Variants in ENOSF1 observed in about 807,000 individuals in gnomAD.
The protein encoded by ENOSF1 is mitochondrial enolase superfamily member 1.
Under a neutral mutation model 68.2 loss-of-function variants are expected in ENOSF1, and 73 were observed. That is an observed-to-expected ratio of 1.07 (90% confidence interval 0.89 to 1.30). The LOEUF is 1.30. Ranked by LOEUF, ENOSF1 falls within the 50% of genes most tolerant of loss-of-function variation. The probability of loss-of-function intolerance (pLI) is 0.00; values close to 1 mark genes in which losing one functional copy is unlikely to be tolerated. For synonymous variants in ENOSF1, 223 were observed against 210.4 expected, an observed-to-expected ratio of 1.06 and a Z score of -0.52; for missense variants, 589 against 554.5, an observed-to-expected ratio of 1.06 and a Z score of -0.62.
intron 2 of ENOSF1, among the ~76,000 whole-genome samples, chr18:698,021 T>A (rs945959531): frequency 8.5e-5 from 13 of 152,210 alleles, no homozygotes; most frequent in Admixed American, 7.8e-4. Flanking sequence ...GTCAAATTAC[T>A]GCGCTCAAGT....
rs2075061282 is a variant in ENOSF1 at position 671,748 on chromosome 18, CTTGAAGGAGAA to C, written c.*2546_*2556del. Reference sequence around the variant, plus strand: ...AAGGGGGCATTTTAACTCATTTTAACTTGAAGGAGAATTGAAGTGCAAATGTTTTTCCTTTT... The same window carrying C: ...AAGGGGGCATTTTAACTCATTTTAACTTGAAGTGCAAATGTTTTTCCTTTT... On this transcript the variant is annotated 3_prime_UTR_variant, in exon 16 of 16. Coordinates refer to ENST00000647584, the MANE Select transcript of ENOSF1 (RefSeq NM_017512.7). 2.6e-6 allele frequency: 1 copy of C among 386,496 alleles called. No homozygotes were observed. The highest frequency in any genetic ancestry group is 2.2e-5 in the African/African-American group (1 of 46,396). 23.9% of individuals were successfully genotyped at this position (386,496 alleles called of 1,614,324 possible). A position where few individuals can be genotyped will look rare whatever the true frequency, so the allele number is the denominator to read the frequency against.
intron 11 of ENOSF1, among the ~76,000 whole-genome samples, chr18:679,378 T>C (rs2075856185): frequency 6.6e-6 from 1 of 151,452 alleles, no homozygotes; most frequent in Non-Finnish European, 1.5e-5. Context: ...CTGGCTAATT[T>C]TTGTATTTTT....
chr18:707,232 C>G (rs945303363), intron 1 of ENOSF1, among the ~76,000 whole-genome samples: 2 of 151,876 alleles, frequency 1.3e-5, no homozygotes, highest in Non-Finnish European at 2.9e-5. Context: ...TGCATGTTAC[C>G]CAGGCTGGTC....
At chr18:695,247 T>A (rs1336016802) in intron 3 of ENOSF1, among the ~76,000 whole-genome samples, 1 of 152,250 alleles carries the variant, frequency 6.6e-6, no homozygotes, top group Non-Finnish European at 1.5e-5. Context: ...TTCCTCAATC[T>A]GGGCTGATCT....
At chr18:698,681 C>T (rs903233098) in intron 2 of ENOSF1, among the ~76,000 whole-genome samples, 3 of 152,094 alleles carry the variant, frequency 2.0e-5, no homozygotes, top group African/African-American at 4.8e-5. Flanking sequence ...AGTGCAGTGG[C>T]GGGATCTAGG....
At chr18:675,435 G>A in intron 14 of ENOSF1, 33 bp from the exon 15 acceptor site, 2 of 1,566,934 alleles carry the variant, frequency 1.3e-6, no homozygotes, top group Non-Finnish European at 1.8e-6. Flanking sequence ...GGGCAATGAT[G>A]CCTGAAGTCA....
intron 2 of ENOSF1, among the ~76,000 whole-genome samples, chr18:705,215 C>T (rs763998980): frequency 2.0e-5 from 3 of 152,232 alleles, no homozygotes; most frequent in Non-Finnish European, 4.4e-5. Flanking sequence ...CACACTACCA[C>T]CGAAGTTAGA....
chr18:666,969 T>A (rs369405911), downstream of ENOSF1, among the ~76,000 whole-genome samples: 233 of 13,922 alleles, frequency 0.017, 26 homozygotes, highest in African/African-American at 0.04. Flanking sequence ...ATGGAGATGG[T>A]GATGGAGATG....
At chr18:690,429 A>C in intron 8 of ENOSF1, 120 bp downstream of exon 8, 1 of 1,147,842 alleles carries the variant, frequency 8.7e-7, no homozygotes, top group Non-Finnish European at 1.3e-6. Context: ...CGTGAGAAGG[A>C]AAACCACACA....
intron 11 of ENOSF1, among the ~76,000 whole-genome samples, chr18:680,676 GTT>G (rs33931715): frequency 0.34 from 34,269 of 100,922 alleles, 4,741 homozygotes; most frequent in East Asian, 0.55. Flanking sequence ...ATGCTGTTGT[GTT>G]TTTTTTTTTT....
At chr18:681,443 A>T (rs2076066284) in intron 11 of ENOSF1, among the ~76,000 whole-genome samples, 1 of 152,222 alleles carries the variant, frequency 6.6e-6, no homozygotes, top group Non-Finnish European at 1.5e-5. Context: ...GGCAGAGATC[A>T]GGTTGGTGCT....
At chr18:683,435 G>A in intron 10 of ENOSF1, 55 bp from the exon 11 acceptor site, 1 of 1,600,286 alleles carries the variant, frequency 6.2e-7, no homozygotes, top group Non-Finnish European at 8.5e-7. Context: ...CTCACAGCAG[G>A]GCTGCGGCTC....
chr18:711,880 A>G (rs1205848114), intron 1 of ENOSF1, among the ~76,000 whole-genome samples: 1 of 152,148 alleles, frequency 6.6e-6, no homozygotes, highest in African/African-American at 2.4e-5. Flanking sequence ...TTCATTACAC[A>G]GACGGGTCCA....
intron 4 of ENOSF1, 87 bp downstream of exon 4, chr18:694,161 C>T: frequency 7.5e-7 from 1 of 1,340,414 alleles, no homozygotes; most frequent in Non-Finnish European, 1.0e-6. Flanking sequence ...TTGGGGGCTG[C>T]AGTGTGTCTG....
At chr18:700,585 T>C (rs896359583) in intron 2 of ENOSF1, among the ~76,000 whole-genome samples, 1 of 152,070 alleles carries the variant, frequency 6.6e-6, no homozygotes, top group Non-Finnish European at 1.5e-5. Flanking sequence ...TCGCATTCAA[T>C]AGAAATTTGG....
chr18:677,504 A>G, intron 13 of ENOSF1, 60 bp from the exon 14 acceptor site: 1 of 1,483,804 alleles, frequency 6.7e-7, no homozygotes, highest in Non-Finnish European at 9.2e-7. Flanking sequence ...AAGGGGTGAA[A>G]GGGAACTTTC....
chr18:697,396 T>A, intron 2 of ENOSF1, 41 bp from the exon 3 acceptor site: 1 of 1,406,192 alleles, frequency 7.1e-7, no homozygotes, highest in Non-Finnish European at 1.0e-6. Context: ...GCTTCTATAC[T>A]AGGTCAAGAA....
At chr18:674,930 A>G (rs1220920215) in intron 15 of ENOSF1, among the ~76,000 whole-genome samples, 1 of 152,246 alleles carries the variant, frequency 6.6e-6, no homozygotes, top group Non-Finnish European at 1.5e-5. Context: ...ACTCTTTGAT[A>G]ATAGTTTGAC....
intron 9 of ENOSF1, chr18:688,353 C>G (rs983785527): frequency 7.4e-6 from 4 of 543,814 alleles, no homozygotes; most frequent in Admixed American, 3.1e-5. Context: ...ATCTCCCAAG[C>G]CTCTTTCAAC....
Sources: allele counts gnomAD v4.1 joint callset (sites outside exome capture counted in the v4.1 genomes callset), GRCh38; gene constraint gnomAD v4.1.1; transcripts MANE v1.5; gene names NCBI Gene and HGNC (gene_info 2026-07-23, HGNC 2026-07-21).